Variants in PCDH15 observed in about 807,000 individuals in gnomAD.
PCDH15 encodes protocadherin-15.
PCDH15 carries 129 observed loss-of-function variants against 178.5 expected under a neutral mutation model. That is an observed-to-expected ratio of 0.72 (90% CI 0.63 to 0.84). PCDH15 has a LOEUF of 0.84. Ranked by LOEUF, PCDH15 falls within the 40% of genes least tolerant of loss-of-function variation. The pLI, the probability that PCDH15 is intolerant of heterozygous loss-of-function variation, is 0.00. For synonymous variants in PCDH15, 800 were observed against 732.0 expected (o/e 1.09, Z -1.50); for missense variants, 2,230 against 2,099.9 (o/e 1.06, Z -1.21).
Position 55,143,774 on chromosome 10 carries a change from T to C in PCDH15, c.-80+22802A>G, listed in dbSNP as rs374750677. ...CTAAAATTATCAGCCAGAAATTTGTTTTCAACCCTGGGTCAAACACTATTT... is the reference window on the plus strand; with the variant it reads ...CTAAAATTATCAGCCAGAAATTTGTCTTCAACCCTGGGTCAAACACTATTT... On this transcript the variant is annotated intron_variant, in intron 2 of 5. Coordinates refer to the PCDH15 transcript ENST00000458638. Among the ~76,000 whole-genome samples, 61 of 151,950 alleles carry C rather than the reference T, an allele frequency of 4.0e-4. No homozygotes were observed. In the East Asian group the frequency reaches 9.9e-3, roughly 25 times the overall value.
chr10:55,503,728 C>A (rs1390689190), intron 2 of PCDH15, among the ~76,000 whole-genome samples: 1 of 151,212 alleles, frequency 6.6e-6, no homozygotes, highest in Non-Finnish European at 1.5e-5. Flanking sequence ...AAGAAACCAC[C>A]ACACACTTAT....
Position 55,097,534 on chromosome 10 carries a change from A to G in PCDH15, c.-80+69042T>C, listed in dbSNP as rs1842474268. 2.0e-5 allele frequency among the ~76,000 whole-genome samples: 3 copies of G among 152,182 alleles called. No individual in the cohort carries two copies. The South Asian group carries it at 6.2e-4, about 31-fold the overall frequency. The stretch of plus-strand genomic sequence containing the variant: ...GGGTTTTGTATTGACAAAATATACA[A>G]TTCTATAAATTAAAGGATAGAAAAC... On this transcript the variant is annotated intron_variant, in intron 2 of 5. Coordinates refer to the PCDH15 transcript ENST00000458638.
At chr10:54,700,317 C>G (rs1288141342) in intron 1 of PCDH15, among the ~76,000 whole-genome samples, 1 of 152,094 alleles carries the variant, frequency 6.6e-6, no homozygotes, top group Non-Finnish European at 1.5e-5. Flanking sequence ...GGGTGATCAT[C>G]CTCCAGATGA....
chr10:53,880,553 C>A (rs1017525803), intron 26 of PCDH15, among the ~76,000 whole-genome samples: 1 of 151,794 alleles, frequency 6.6e-6, no homozygotes, highest in Non-Finnish European at 1.5e-5. Flanking sequence ...ATTTTACTGC[C>A]TACCTAATAA....
At chr10:53,906,389 T>C (rs994490785) in intron 25 of PCDH15, among the ~76,000 whole-genome samples, 5 of 152,160 alleles carry the variant, frequency 3.3e-5, no homozygotes, top group African/African-American at 1.2e-4. Flanking sequence ...CATTTAGTTA[T>C]AAGCATGATT....
intron 1 of PCDH15, among the ~76,000 whole-genome samples, chr10:54,743,374 G>A (rs200038286): frequency 3.9e-4 from 60 of 152,016 alleles, no homozygotes; most frequent in East Asian, 9.7e-4. Context: ...TTTAGGTCTC[G>A]TAAGTCAGCA....
At chr10:54,424,550 A>G (rs1378522506) in intron 3 of PCDH15, among the ~76,000 whole-genome samples, 1 of 150,082 alleles carries the variant, frequency 6.7e-6, no homozygotes, top group Admixed American at 6.6e-5. Flanking sequence ...CTATAAAGAC[A>G]CATGCACACA....
chr10:55,075,365 AATT>A (rs1401815013), intron 2 of PCDH15, among the ~76,000 whole-genome samples: 2 of 106,758 alleles, frequency 1.9e-5, no homozygotes, highest in Non-Finnish European at 3.7e-5. Flanking sequence ...ATTTTGTTTA[AATT>A]TTTTTTTTTT....
chr10:54,576,874 C>T (rs745326972), intron 2 of PCDH15, among the ~76,000 whole-genome samples: 3 of 152,094 alleles, frequency 2.0e-5, no homozygotes, highest in Non-Finnish European at 4.4e-5. Flanking sequence ...CAGTGTGTTT[C>T]AGACATTTGT....
chr10:55,301,755 T>G (rs2132278718), intron 1 of PCDH15, among the ~76,000 whole-genome samples: 1 of 152,292 alleles, frequency 6.6e-6, no homozygotes, highest in East Asian at 1.9e-4. Flanking sequence ...CAGTTTGAGT[T>G]AATGTTTTAC....
intron 2 of PCDH15, among the ~76,000 whole-genome samples, chr10:55,111,547 T>A (rs990635051): frequency 2.0e-5 from 3 of 151,974 alleles, no homozygotes; most frequent in Non-Finnish European, 2.9e-5. Flanking sequence ...AAAAAAAATT[T>A]AAAAAAGTTC....
chr10:53,955,077 C>T (rs2087477561), intron 23 of PCDH15, among the ~76,000 whole-genome samples: 1 of 152,126 alleles, frequency 6.6e-6, no homozygotes, highest in Admixed American at 6.5e-5. Context: ...CATTCCTCTC[C>T]CCTAGTTAGA....
chr10:54,858,168 C>G (rs1953774095), intron 3 of PCDH15, among the ~76,000 whole-genome samples: 1 of 152,134 alleles, frequency 6.6e-6, no homozygotes, highest in Non-Finnish European at 1.5e-5. Context: ...TCATTATTTG[C>G]CTTTCTGTGC....
chr10:54,462,818 C>A (rs1389420013), intron 3 of PCDH15, among the ~76,000 whole-genome samples: 1 of 150,548 alleles, frequency 6.6e-6, no homozygotes, highest in Non-Finnish European at 1.5e-5. Context: ...GTGTGAGCCA[C>A]CTCGCCTGGA....
intron 2 of PCDH15, among the ~76,000 whole-genome samples, chr10:55,120,083 A>G (rs532706476): frequency 1.3e-5 from 2 of 152,278 alleles, no homozygotes; most frequent in Admixed American, 1.3e-4. Flanking sequence ...ATCAATATTC[A>G]GATAAAAGAT....
intron 2 of PCDH15, among the ~76,000 whole-genome samples, chr10:55,111,040 C>A (rs1195567868): frequency 2.6e-5 from 4 of 151,976 alleles, no homozygotes; most frequent in African/African-American, 9.7e-5. Flanking sequence ...AATTTAGTAA[C>A]AAAGTCAATG....
At chr10:54,662,906 A>T (rs554628802) in intron 2 of PCDH15, among the ~76,000 whole-genome samples, 1 of 152,060 alleles carries the variant, frequency 6.6e-6, no homozygotes, top group South Asian at 2.1e-4. Flanking sequence ...AATAGCAGTT[A>T]TTTATACATA....
chr10:55,498,788 A>T (rs1589083996), intron 2 of PCDH15, among the ~76,000 whole-genome samples: 1 of 151,890 alleles, frequency 6.6e-6, no homozygotes, highest in Admixed American at 6.6e-5. Flanking sequence ...TGCATGCTAC[A>T]TAATGGCCTC....
intron 2 of PCDH15, among the ~76,000 whole-genome samples, chr10:54,603,182 C>A (rs2092611549): frequency 1.3e-5 from 2 of 151,738 alleles, no homozygotes; most frequent in Admixed American, 6.6e-5. Context: ...TTATTCATAA[C>A]AGTCCCTTAA....
Sources: gnomAD v4.1 joint callset for allele counts (sites outside exome capture counted in the v4.1 genomes callset) on GRCh38, gnomAD v4.1.1 for gene constraint, MANE v1.5 for transcripts, NCBI Gene and HGNC (gene_info 2026-07-23, HGNC 2026-07-21) for gene names.